The following ANKRD26 variants were observed in gnomAD, a reference collection of about 807,000 sequenced individuals.
The protein encoded by ANKRD26 is ankyrin repeat domain 26.
Under a neutral mutation model 208.7 loss-of-function variants are expected in ANKRD26, and 141 were observed. That is an observed-to-expected ratio of 0.68 (90% CI 0.59 to 0.78). ANKRD26 has a LOEUF of 0.78. ANKRD26 is among the 30% of genes least tolerant of loss of function. ANKRD26 has a pLI of 0.00. For missense variants in ANKRD26, 1,889 were observed against 1,938.7 expected (o/e 0.97, Z 0.48); for synonymous variants, 636 against 660.4 (o/e 0.96, Z 0.57).
intron 25 of ANKRD26, among the ~76,000 whole-genome samples, chr10:27,029,857 G>A (rs1489612642): frequency 6.6e-6 from 1 of 152,098 alleles, no homozygotes; most frequent in Non-Finnish European, 1.5e-5. Context: ...CTGAGAGGCC[G>A]TATCCACACA....
At chr10:27,090,590 C>A (rs548461881) in intron 4 of ANKRD26, among the ~76,000 whole-genome samples, 8 of 152,120 alleles carry the variant, frequency 5.3e-5, no homozygotes, top group Non-Finnish European at 1.0e-4. Flanking sequence ...ACCACCAAGG[C>A]TAAAAGGAAG....
At chr10:26,983,353 T>G (rs1225183364) in intron 3 of ANKRD26, among the ~76,000 whole-genome samples, 4 of 152,192 alleles carry the variant, frequency 2.6e-5, no homozygotes, top group Non-Finnish European at 4.4e-5. Context: ...AAGCATAACC[T>G]AGGGAACATT....
chr10:27,086,423 A>G, intron 5 of ANKRD26, 116 bp downstream of exon 5: 3 of 1,323,282 alleles, frequency 2.3e-6, no homozygotes, highest in South Asian at 1.4e-5. Flanking sequence ...GAAAAAATAC[A>G]CATGCACCTT....
chr10:26,947,616 T>A, the ANKRD26 span, among the ~76,000 whole-genome samples: 1 of 152,208 alleles, frequency 6.6e-6, no homozygotes, highest in Admixed American at 6.5e-5. Context: ...TTGAAAGAAG[T>A]GTGTCGTTGG....
At chr10:26,995,618 G>A (rs898575339) in intron 4 of ANKRD26, among the ~76,000 whole-genome samples, 10 of 152,158 alleles carry the variant, frequency 6.6e-5, no homozygotes, top group Admixed American at 2.6e-4. Context: ...CCCTTTAAAC[G>A]TTGATTTTTA....
At chr10:27,053,725 A>G (rs2054743513) in intron 15 of ANKRD26, among the ~76,000 whole-genome samples, 1 of 152,216 alleles carries the variant, frequency 6.6e-6, no homozygotes. Context: ...ACTAGACAAT[A>G]CCAGGTTCAA....
At chr10:27,094,928 A>T (rs2056418030) in intron 1 of ANKRD26, among the ~76,000 whole-genome samples, 1 of 151,364 alleles carries the variant, frequency 6.6e-6, no homozygotes, top group African/African-American at 2.4e-5. Flanking sequence ...TGAGCCCAGG[A>T]GGTTGAGGCT....
downstream of ANKRD26, among the ~76,000 whole-genome samples, chr10:26,990,311 C>T (rs771953991): frequency 3.9e-5 from 6 of 152,066 alleles, no homozygotes; most frequent in East Asian, 1.9e-4. Context: ...GGGGCTTTGG[C>T]GAACTTAGAG....
chr10:27,011,024 TA>T (rs2053084567), intron 32 of ANKRD26, among the ~76,000 whole-genome samples: 1 of 152,182 alleles, frequency 6.6e-6, no homozygotes, highest in Non-Finnish European at 1.5e-5. Flanking sequence ...CAGTGCTGTC[TA>T]AGAAACCTTA....
intron 4 of ANKRD26, among the ~76,000 whole-genome samples, chr10:26,998,694 G>T (rs1047804277): frequency 3.3e-5 from 5 of 152,204 alleles, no homozygotes; most frequent in African/African-American, 1.2e-4. Flanking sequence ...TCTATTATTG[G>T]TTGTTTTCAA....
chr10:27,049,723 A>G (rs977766686), intron 16 of ANKRD26, among the ~76,000 whole-genome samples: 1 of 152,194 alleles, frequency 6.6e-6, no homozygotes, highest in African/African-American at 2.4e-5. Flanking sequence ...TTAAAACAAG[A>G]AAGATTAAAT....
At position 27,082,848 on chromosome 10, in the gene ANKRD26, A is replaced by G; in HGVS notation, c.710-15T>C. The G allele has an allele frequency of 6.3e-7, 1 of 1,585,238 alleles. No homozygotes were observed. The highest frequency in any genetic ancestry group is 1.1e-5 in the South Asian group (1 of 87,542). On this transcript the variant is annotated splice_polypyrimidine_tract_variant and intron_variant, in intron 5 of 33. Transcript: ENST00000376087. ...GCTTTCATCCACTATTAAAGAGAAA[A>G]GTAAAACACACTTTAAATCAACAAT...
At chr10:27,017,936 T>G (rs2053354380) in intron 29 of ANKRD26, 144 bp from the exon 30 acceptor site, 1 of 776,172 alleles carries the variant, frequency 1.3e-6, no homozygotes, top group Non-Finnish European at 2.0e-6. Context: ...ATGTGGACCC[T>G]TAAATTACCC....
downstream of ANKRD26, among the ~76,000 whole-genome samples, chr10:27,003,073 T>C (rs11015448): frequency 0.089 from 13,479 of 152,278 alleles, 724 homozygotes; most frequent in African/African-American, 0.16. Flanking sequence ...ATTTAGCCTA[T>C]GCCAAATTGG....
chr10:27,057,004 T>C (rs574531697), intron 15 of ANKRD26, among the ~76,000 whole-genome samples: 1 of 152,190 alleles, frequency 6.6e-6, no homozygotes, highest in Non-Finnish European at 1.5e-5. Flanking sequence ...GCTGACTGAT[T>C]TTTGGTCACT....
downstream of ANKRD26, among the ~76,000 whole-genome samples, chr10:26,972,578 CA>C: frequency 6.8e-6 from 1 of 147,024 alleles, no homozygotes; most frequent in African/African-American, 2.5e-5. Context: ...TTTAACTTGA[CA>C]AAGTGATTCT....
intron 3 of ANKRD26, among the ~76,000 whole-genome samples, chr10:26,986,422 G>C (rs1589167293): frequency 6.6e-6 from 1 of 152,030 alleles, no homozygotes; most frequent in Non-Finnish European, 1.5e-5. Flanking sequence ...AGACAAAATT[G>C]ACAAATGGGA....
At chr10:26,950,331 G>C in the ANKRD26 span, among the ~76,000 whole-genome samples, 1 of 152,192 alleles carries the variant, frequency 6.6e-6, no homozygotes, top group Non-Finnish European at 1.5e-5. Flanking sequence ...ATGATTGTAA[G>C]TTTCCTGAGG....
At chr10:26,953,222 C>G in the ANKRD26 span, among the ~76,000 whole-genome samples, 1 of 151,952 alleles carries the variant, frequency 6.6e-6, no homozygotes, top group East Asian at 1.9e-4. Context: ...GCCGGGATAT[C>G]GAGACCAGCC....
Sources: gnomAD v4.1 joint callset for allele counts (sites outside exome capture counted in the v4.1 genomes callset) on GRCh38, gnomAD v4.1.1 for gene constraint, MANE v1.5 for transcripts, NCBI Gene and HGNC (gene_info 2026-07-23, HGNC 2026-07-21) for gene names.